The following SYMPK variants were observed in gnomAD, a reference collection of about 807,000 sequenced individuals.
SYMPK encodes symplekin scaffold protein, also known as symplekin.
Under a neutral mutation model 136.4 loss-of-function variants are expected in SYMPK, and 49 were observed. The observed-to-expected ratio is 0.36, with a 90% CI of 0.29 to 0.46. The LOEUF is 0.46. Ranked by LOEUF, SYMPK falls within the 20% of genes least tolerant of loss-of-function variation. SYMPK has a pLI of 1.00. For missense variants in SYMPK, 1,365 were observed against 1,690.0 expected, an observed-to-expected ratio of 0.81 and a Z score of 3.37; for synonymous variants, 766 against 713.0, an observed-to-expected ratio of 1.07 and a Z score of -1.19.
chr19:45,851,782 G>A (rs901892813), intron 5 of SYMPK, among the ~76,000 whole-genome samples: 2 of 151,956 alleles, frequency 1.3e-5, no homozygotes, highest in African/African-American at 4.8e-5. Flanking sequence ...GCTGAGGCAG[G>A]AGAATAGCTT....
intron 1 of SYMPK, among the ~76,000 whole-genome samples, chr19:45,862,812 G>A (rs1278035501): frequency 6.6e-6 from 1 of 152,228 alleles, no homozygotes; most frequent in Non-Finnish European, 1.5e-5. Context: ...AGAGGTGGGG[G>A]AAAAAGCAAA....
At chr19:45,831,261 T>G (rs1259952305) in intron 12 of SYMPK, 123 bp downstream of exon 12, 1 of 697,442 alleles carries the variant, frequency 1.4e-6, no homozygotes, top group African/African-American at 1.9e-5. Context: ...ATTCCAGACT[T>G]CCTTCTGTCT....
chr19:45,842,940 T>A lies in SYMPK; in HGVS notation c.848-451A>T, dbSNP rs143798128. ...CAGTGAAAAAGGATGCCTGTAATTCTGCCTGCCTAGCATCCACTGCCCCTT... is the reference window on the plus strand; with the variant it reads ...CAGTGAAAAAGGATGCCTGTAATTCAGCCTGCCTAGCATCCACTGCCCCTT... On this transcript the variant is annotated intron_variant, in intron 8 of 26. Transcript: ENST00000245934. 7.0e-4 allele frequency: 121 copies of A among 172,896 alleles called. No homozygotes were observed. The East Asian group carries it at 0.019, about 27-fold the overall frequency. The allele number at this position is 172,896 out of a possible 1,614,324, so 10.7% of individuals were successfully genotyped here. A position where few individuals can be genotyped will look rare whatever the true frequency, so the allele number is the denominator to read the frequency against.
intron 9 of SYMPK, among the ~76,000 whole-genome samples, chr19:45,840,576 T>C (rs1234815546): frequency 2.0e-5 from 3 of 151,834 alleles, no homozygotes; most frequent in African/African-American, 7.3e-5. Flanking sequence ...GGCAGGAGAA[T>C]TGCCTGAATC....
intron 23 of SYMPK, 66 bp downstream of exon 23, chr19:45,817,893 G>A (rs1233429694): frequency 1.0e-5 from 15 of 1,462,838 alleles, no homozygotes; most frequent in Admixed American, 2.2e-5. Flanking sequence ...ACGGGGGAAG[G>A]GGAGGGCAAG....
At chr19:45,847,361 T>C (rs1456825535) in intron 7 of SYMPK, among the ~76,000 whole-genome samples, 2 of 150,988 alleles carry the variant, frequency 1.3e-5, no homozygotes, top group Non-Finnish European at 1.5e-5. Flanking sequence ...AAGGCGGAGG[T>C]TGCAGTGAGC....
At chr19:45,818,385 A>G (rs541226081) in intron 22 of SYMPK, among the ~76,000 whole-genome samples, 1 of 152,188 alleles carries the variant, frequency 6.6e-6, no homozygotes, top group African/African-American at 2.4e-5. Context: ...GGAAGCCCCA[A>G]AATGGGTGGA....
At chr19:45,843,669 G>A (rs988627504) in intron 8 of SYMPK, among the ~76,000 whole-genome samples, 1 of 152,078 alleles carries the variant, frequency 6.6e-6, no homozygotes, top group African/African-American at 2.4e-5. Flanking sequence ...GGCTGAGGCC[G>A]GGTGCAGTGG....
At chr19:45,818,863 C>T (rs1293360571) in intron 22 of SYMPK, 1 of 152,300 alleles carries the variant, frequency 6.6e-6, no homozygotes, top group Non-Finnish European at 1.5e-5. Context: ...ATGGGAGGCC[C>T]CAGGAGCTGC....
rs1216243678 is a variant in SYMPK at position 45,816,918 on chromosome 19, C to T, written c.3138G>A (p.Lys1046=). Residue 1046 remains lysine (K), a synonymous_variant, in exon 24 of 27, where the codon AAG becomes AAA. Transcript: ENST00000245934. ...EGFIKCCQRT[K]PQSFQVILQL... ...GCAGGATGACCTGGAAGCTCTGGGG[C>T]TTTGTGCGCTGGCAGCACTTGATGA... is the stretch of plus-strand genomic sequence containing the variant. The T allele has an allele frequency of 1.9e-6, 3 of 1,557,602 alleles. No homozygotes were observed. Among genetic ancestry groups the T allele is most frequent in the Middle Eastern group, 1.7e-4 (1 of 6,008 alleles).
chr19:45,827,846 G>A lies in SYMPK; in HGVS notation c.2058C>T (p.Cys686=), dbSNP rs758519606. Residue 686 remains cysteine (C), a synonymous_variant, in exon 15 of 27, where the codon TGC becomes TGT. Coordinates refer to ENST00000245934, the MANE Select transcript of SYMPK (RefSeq NM_004819.3). The part of the protein sequence containing the change: ...ESALEVVRKY[C]EDESRTYLGM... ...CAGGGCCTGTCCTCACCTCATCCTC[G>A]CAGTACTTGCGGACCACCTCCAGGG... The A allele has an allele frequency of 1.4e-5, 22 of 1,613,832 alleles. No individual in the cohort carries two copies. Among genetic ancestry groups the A allele is most frequent in the Admixed American group, 5.0e-5 (3 of 59,998 alleles).
At chr19:45,840,664 TAA>T (rs796378463) in intron 9 of SYMPK, among the ~76,000 whole-genome samples, 2 of 140,310 alleles carry the variant, frequency 1.4e-5, no homozygotes. Flanking sequence ...ACTCCATCTT[TAA>T]AAAAAAAAAA....
intron 6 of SYMPK, 63 bp downstream of exon 6, chr19:45,848,687 C>T: frequency 6.2e-7 from 1 of 1,607,024 alleles, no homozygotes. Context: ...TGAACCCCAA[C>T]ATATTAGTTT....
chr19:45,853,549 T>C (rs1471575380), intron 3 of SYMPK, among the ~76,000 whole-genome samples: 1 of 150,924 alleles, frequency 6.6e-6, no homozygotes, highest in Non-Finnish European at 1.5e-5. Context: ...GAGGCAGGAG[T>C]TGCAGTGAGA....
In SYMPK at chr19:45,821,726, G is replaced by A. The variant is rs1261863919; in HGVS notation, c.2792-241C>T. On this transcript the variant is annotated intron_variant, in intron 21 of 26. Coordinates refer to ENST00000245934, the MANE Select transcript of SYMPK (RefSeq NM_004819.3). This position sits in a 1 kb window ranked among gnomAD's most constrained non-coding sequence, Gnocchi z 4.4. Reference sequence around the variant, plus strand: ...CCATCCTGGGCTCCCACCCTGGGTAGCGTGTGGCACGGCTGGGTCTCTCTG... The same window carrying A: ...CCATCCTGGGCTCCCACCCTGGGTAACGTGTGGCACGGCTGGGTCTCTCTG... Among the ~76,000 whole-genome samples the A allele has an allele frequency of 2.6e-5, 4 of 152,242 alleles. No individual in the cohort carries two copies. Among genetic ancestry groups the A allele is most frequent in the Non-Finnish European group, 5.9e-5 (4 of 68,040 alleles).
chr19:45,852,030 G>A (rs1971707082), intron 5 of SYMPK, among the ~76,000 whole-genome samples: 1 of 152,260 alleles, frequency 6.6e-6, no homozygotes, highest in South Asian at 2.1e-4. Context: ...AGTGGCAGAG[G>A]AAGTGATTGA....
At position 45,821,467 on chromosome 19, in the gene SYMPK, A is replaced by G. The variant is rs1316044863; in HGVS notation, c.2810T>C (p.Leu937Ser). The part of the protein sequence containing the change: ...GTQHGEGNSA[L>S]SPLNPGELLI... The stretch of plus-strand genomic sequence containing the variant: ...GAGCTCTCCAGGGTTCAGCGGGGAC[A>G]AGGCTGAGTTTCCCTCACCTGCAGC... Residue 937 changes from leucine (L) to serine (S), a missense_variant, in exon 22 of 27, where the codon TTG (leucine) becomes TCG (serine). Leu to Ser is a moderately radical substitution (Grantham distance 145). This residue lies in a region of SYMPK where 156 missense variants were observed against 217.8 expected (regional missense o/e 0.72). Coordinates refer to ENST00000245934, the MANE Select transcript of SYMPK (RefSeq NM_004819.3). The surrounding 1 kb of genome is among the most constrained non-coding windows in gnomAD (Gnocchi z 4.4). The G allele has an allele frequency of 6.2e-7, 1 of 1,613,828 alleles. No homozygotes were observed. Among genetic ancestry groups the G allele is most frequent in the Admixed American group, 1.7e-5 (1 of 59,974 alleles).
intron 3 of SYMPK, 138 bp downstream of exon 3, chr19:45,854,030 AAGAGCAG>A (rs1308673917): frequency 4.0e-6 from 3 of 752,836 alleles, no homozygotes; most frequent in Non-Finnish European, 6.8e-6. Context: ...TGAGAACTAG[AAGAGCAG>A]AGGCCTGCAC....
In SYMPK at chr19:45,815,671, C is replaced by G; in HGVS notation, c.3714G>C (p.Leu1238Phe). The G allele has an allele frequency of 6.2e-7, 1 of 1,610,544 alleles. No homozygotes were observed. The highest frequency in any genetic ancestry group is 8.5e-7 in the Non-Finnish European group (1 of 1,179,074). Residue 1238 changes from leucine to phenylalanine, a missense_variant, in exon 27 of 27, where the codon TTG becomes TTC. By Grantham distance (22) the Leu-to-Phe change is conservative. Around this residue, in one of 11 missense-constraint regions of SYMPK, gnomAD observed 341 missense variants for 270.5 expected, o/e 1.26. Coordinates refer to ENST00000245934, the MANE Select transcript of SYMPK (RefSeq NM_004819.3). The stretch of plus-strand genomic sequence containing the variant: ...GGGTCTGGGGGCTCCGCTCCTCCTT[C>G]AAGGTCAGCCCGCCCGCTGCCGTCT... ...PKETAAGGLT[L>F]KEERSPQTLA...
Sources: gnomAD v4.1 joint callset for allele counts (sites outside exome capture counted in the v4.1 genomes callset) on GRCh38, gnomAD v4.1.1 for gene constraint, gnomAD v4.1.1 regional missense constraint, Gnocchi (gnomAD v3.1) non-coding constraint, MANE v1.5 for transcripts, NCBI Gene and HGNC (gene_info 2026-07-23, HGNC 2026-07-21) for gene names.